Variants in SLC66A3 observed in about 807,000 individuals in gnomAD.
The protein encoded by SLC66A3 is solute carrier family 66 member 3.
SLC66A3 carries 23 observed loss-of-function variants against 25.5 expected under a neutral mutation model. That is an observed-to-expected ratio of 0.90 (90% CI 0.65 to 1.28). The LOEUF is 1.28. Ranked by LOEUF, SLC66A3 falls within the 50% of genes most tolerant of loss-of-function variation. The probability of loss-of-function intolerance (pLI) is 0.00; values close to 1 mark genes in which losing one functional copy is unlikely to be tolerated. For missense variants in SLC66A3, 246 were observed against 262.1 expected, an observed-to-expected ratio of 0.94 and a Z score of 0.42; for synonymous variants, 108 against 112.6, an observed-to-expected ratio of 0.96 and a Z score of 0.26.
chr2:11,169,802 A>C (rs561067634), intron 4 of SLC66A3, among the ~76,000 whole-genome samples: 26 of 149,620 alleles, frequency 1.7e-4, no homozygotes, highest in African/African-American at 6.3e-4. Flanking sequence ...CAAAGGCCAG[A>C]AACACCGGAG....
rs146622393 is a variant in SLC66A3, at chr2:11,163,770, G to C, written c.297-434G>C. 7.2e-3 allele frequency among the ~76,000 whole-genome samples: 1,097 copies of C among 152,344 alleles called. 16 individuals are homozygous for C. Among genetic ancestry groups the C allele is most frequent in the African/African-American group, 0.025 (1,042 of 41,584 alleles). On this transcript the variant is annotated intron_variant, in intron 3 of 6. Coordinates refer to ENST00000295083, the MANE Select transcript of SLC66A3 (RefSeq NM_152391.5). ...CTGTATCATTTTTACAGTGGAGTTT[G>C]TGGGGAAAGGTGGAAGTCAGTAAAC... is the stretch of plus-strand genomic sequence containing the variant.
intron 4 of SLC66A3, among the ~76,000 whole-genome samples, chr2:11,165,720 G>A (rs1662313610): frequency 6.6e-6 from 1 of 152,198 alleles, no homozygotes; most frequent in South Asian, 2.1e-4. Context: ...CTCCAGCCTG[G>A]GCAACATTGA....
intron 1 of SLC66A3, chr2:11,160,181 C>G (rs970662162): frequency 4.0e-6 from 2 of 496,612 alleles, no homozygotes; most frequent in African/African-American, 3.9e-5. Context: ...CAGGGATTTG[C>G]CTTCTGTAAA....
chr2:11,177,890 C>T lies in SLC66A3; in HGVS notation c.*62C>T. On this transcript the variant is annotated 3_prime_UTR_variant, in exon 7 of 7. Transcript: ENST00000295083. ...AACTGAACCAAAGGAAAAAGAAGCT[C>T]TTTGCTAAATTAAGGTCTTTTATAA... is the stretch of plus-strand genomic sequence containing the variant. 9.9e-7 allele frequency: 1 copy of T among 1,010,176 alleles called. No homozygotes were observed. The highest frequency in any genetic ancestry group is 1.6e-5 in the African/African-American group (1 of 61,010). The allele number at this position is 1,010,176 out of a possible 1,614,324, so 62.6% of individuals were successfully genotyped here. A position where few individuals can be genotyped will look rare whatever the true frequency, so the allele number is the denominator to read the frequency against.
intron 4 of SLC66A3, among the ~76,000 whole-genome samples, chr2:11,166,236 G>A (rs1485554264): frequency 6.6e-6 from 1 of 152,150 alleles, no homozygotes; most frequent in African/African-American, 2.4e-5. Flanking sequence ...GGTTCATAAT[G>A]GCATGTTGGC....
intron 4 of SLC66A3, among the ~76,000 whole-genome samples, chr2:11,165,609 G>A (rs371152379): frequency 1.3e-5 from 2 of 152,160 alleles, no homozygotes; most frequent in African/African-American, 2.4e-5. Flanking sequence ...CTTCCCAGAC[G>A]GGGTGTCGGC....
chr2:11,171,121 C>T (rs1662536576), intron 4 of SLC66A3, among the ~76,000 whole-genome samples: 1 of 152,022 alleles, frequency 6.6e-6, no homozygotes, highest in South Asian at 2.1e-4. Context: ...AATTTGAGAC[C>T]AGCCTGGCCA....
chr2:11,161,455 C>G (rs11886424), intron 3 of SLC66A3, among the ~76,000 whole-genome samples: 1 of 151,284 alleles, frequency 6.6e-6, no homozygotes, highest in Non-Finnish European at 1.5e-5. Flanking sequence ...TGCCACCACA[C>G]CCAGTTAATT....
chr2:11,157,091 C>T (rs1661932738), intron 1 of SLC66A3, among the ~76,000 whole-genome samples: 1 of 152,208 alleles, frequency 6.6e-6, no homozygotes, highest in African/African-American at 2.4e-5. Context: ...CTCCTGCCGC[C>T]AGCCCCTAGG....
chr2:11,165,533 T>TGG (rs970522023), intron 4 of SLC66A3, among the ~76,000 whole-genome samples: 23 of 142,928 alleles, frequency 1.6e-4, no homozygotes, highest in Admixed American at 2.8e-4. Flanking sequence ...CTTCCCAGAC[T>TGG]GGGCAGCCGG....
At chr2:11,159,391 G>A (rs954603371) in intron 1 of SLC66A3, among the ~76,000 whole-genome samples, 5 of 152,160 alleles carry the variant, frequency 3.3e-5, no homozygotes, top group Admixed American at 6.5e-5. Flanking sequence ...CACAGCACCC[G>A]GAGGGCCTGC....
intron 4 of SLC66A3, among the ~76,000 whole-genome samples, chr2:11,170,879 G>A (rs951770198): frequency 2.6e-5 from 4 of 151,580 alleles, no homozygotes; most frequent in Admixed American, 6.6e-5. Flanking sequence ...CTGAGCCACC[G>A]CACCTGGCTC....
At chr2:11,176,809 T>C (rs1662768853) in intron 6 of SLC66A3, among the ~76,000 whole-genome samples, 1 of 151,986 alleles carries the variant, frequency 6.6e-6, no homozygotes, top group Non-Finnish European at 1.5e-5. Context: ...ATTACAGGCG[T>C]GAGCCACCGC....
intron 3 of SLC66A3, among the ~76,000 whole-genome samples, chr2:11,161,954 A>G (rs557077723): frequency 6.6e-6 from 1 of 152,214 alleles, no homozygotes; most frequent in Non-Finnish European, 1.5e-5. Context: ...CCCGCAGGCC[A>G]TGAGAATGTG....
chr2:11,167,743 G>A (rs1033132833), intron 4 of SLC66A3, among the ~76,000 whole-genome samples: 4 of 152,084 alleles, frequency 2.6e-5, no homozygotes, highest in African/African-American at 4.8e-5. Flanking sequence ...TGGAGCCCCA[G>A]TGCAGGAGAA....
chr2:11,158,241 G>T (rs929294111), intron 1 of SLC66A3, among the ~76,000 whole-genome samples: 1 of 152,230 alleles, frequency 6.6e-6, no homozygotes, highest in African/African-American at 2.4e-5. Flanking sequence ...TAAAGGGACA[G>T]GCATGGTGGC....
At chr2:11,176,574 G>C (rs1388858838) in intron 6 of SLC66A3, among the ~76,000 whole-genome samples, 2 of 107,230 alleles carry the variant, frequency 1.9e-5, no homozygotes, top group Non-Finnish European at 3.7e-5. Flanking sequence ...TGTCGCCCAG[G>C]CTGGAGTGCA....
At chr2:11,162,849 A>G (rs1354117569) in intron 3 of SLC66A3, among the ~76,000 whole-genome samples, 2 of 151,940 alleles carry the variant, frequency 1.3e-5, no homozygotes, top group African/African-American at 4.8e-5. Context: ...CTCGTGATCC[A>G]CCTGCCTCAG....
At chr2:11,173,488 CT>C (rs2148002364) in intron 5 of SLC66A3, among the ~76,000 whole-genome samples, 1 of 152,272 alleles carries the variant, frequency 6.6e-6, no homozygotes, top group Non-Finnish European at 1.5e-5. Context: ...TGATTGAATT[CT>C]TTTATTTAAA....
Sources: allele counts gnomAD v4.1 joint callset (sites outside exome capture counted in the v4.1 genomes callset), GRCh38; gene constraint gnomAD v4.1.1; transcripts MANE v1.5; gene names NCBI Gene and HGNC (gene_info 2026-07-23, HGNC 2026-07-21).